The following NCBP1 variants were observed in gnomAD, a reference collection of about 807,000 sequenced individuals.
NCBP1 encodes nuclear cap binding protein subunit 1, also known as nuclear cap-binding protein subunit 1.
A neutral mutation model predicts 111.7 loss-of-function variants in NCBP1; 16 were observed. The ratio of observed to expected loss-of-function variants is 0.14; its 90% CI spans 0.10 to 0.22. The LOEUF is 0.22. Ranked by LOEUF, NCBP1 falls within the 10% of genes least tolerant of loss-of-function variation. NCBP1 has a pLI of 1.00. For missense variants in NCBP1, 607 were observed against 957.5 expected (o/e 0.63, Z 4.83); for synonymous variants, 304 against 314.3 (o/e 0.97, Z 0.35).
intron 14 of NCBP1, among the ~76,000 whole-genome samples, 166 bp downstream of exon 14, chr9:97,656,251 A>G (rs748027769): frequency 6.6e-6 from 1 of 152,234 alleles, no homozygotes; most frequent in African/African-American, 2.4e-5. Context: ...ACCATGCCAT[A>G]TAGATTCCAT....
chr9:97,658,497 C>T (rs1483802639), intron 14 of NCBP1, 143 bp from the exon 15 acceptor site: 4 of 661,884 alleles, frequency 6.0e-6, no homozygotes, highest in East Asian at 5.5e-5. Context: ...GACAAAAACT[C>T]AAAGGATTTT....
chr9:97,670,972 T>C (rs1295625827), intron 22 of NCBP1, 114 bp from the exon 23 acceptor site: 8 of 596,240 alleles, frequency 1.3e-5, no homozygotes, highest in Non-Finnish European at 1.2e-5. Flanking sequence ...CACTTTTTTT[T>C]CCCCTTCCTC....
In NCBP1 at chr9:97,661,039, T is replaced by C. The variant is rs1210269842; in HGVS notation, c.1571T>C (p.Val524Ala). The change falls in exon 16 of 23, where the codon GTA becomes GCA. Residue 524 changes from valine (V) to alanine (A), a missense_variant. Val to Ala is a moderately conservative substitution (Grantham distance 64). Transcript: ENST00000375147. ...GAAATCTTCAGCATTCTGAAAGATGTACCAAATCCTAACCAGGATGATGAC... is the reference window on the plus strand; with the variant it reads ...GAAATCTTCAGCATTCTGAAAGATGCACCAAATCCTAACCAGGATGATGAC... ...NDEIFSILKDVPNPNQDDDDD... is the reference protein window; with the variant it reads ...NDEIFSILKDAPNPNQDDDDD... 6.2e-6 allele frequency: 10 copies of C among 1,612,772 alleles called. No homozygotes were observed. The highest frequency in any genetic ancestry group is 8.5e-6 in the Non-Finnish European group (10 of 1,179,764).
intron 17 of NCBP1, 81 bp downstream of exon 17, chr9:97,662,225 G>C (rs965123780): frequency 3.9e-5 from 41 of 1,045,226 alleles, no homozygotes; most frequent in Non-Finnish European, 5.6e-5. Flanking sequence ...TTTTACCTAA[G>C]ATTGTTGAAT....
intron 1 of NCBP1, among the ~76,000 whole-genome samples, chr9:97,638,154 T>C: frequency 6.6e-6 from 1 of 152,202 alleles, no homozygotes; most frequent in East Asian, 1.9e-4. Flanking sequence ...ATGAGTTCAA[T>C]ATCATGTTTC....
Position 97,643,265 on chromosome 9 carries a change from A to G in NCBP1, c.286A>G (p.Arg96Gly). ...YTTLVGLLNARNYNFGGEFVE... is the reference protein window; with the variant it reads ...YTTLVGLLNAGNYNFGGEFVE... ...AACATTAGTTGGACTACTGAATGCC[A>G]GGAATTACAATTTTGGTGGAGAATT... The change falls in exon 4 of 23, where the codon AGG (arginine) becomes GGG (glycine). Residue 96 changes from arginine to glycine, a missense_variant. By Grantham distance (125) the Arg-to-Gly change is moderately radical. Coordinates refer to ENST00000375147, the MANE Select transcript of NCBP1 (RefSeq NM_002486.5). 1 of 1,612,218 alleles carries G rather than the reference A, an allele frequency of 6.2e-7. No individual in the cohort carries two copies. The highest frequency in any genetic ancestry group is 1.3e-5 in the African/African-American group (1 of 74,934).
At chr9:97,660,118 AC>A (rs369314713) in intron 15 of NCBP1, among the ~76,000 whole-genome samples, 40 of 152,310 alleles carry the variant, frequency 2.6e-4, no homozygotes, top group African/African-American at 9.4e-4. Flanking sequence ...TAGAATGTAG[AC>A]TGGTGACAGG....
At chr9:97,654,751 G>T in intron 11 of NCBP1, 129 bp from the exon 12 acceptor site, 1 of 826,122 alleles carries the variant, frequency 1.2e-6, no homozygotes, top group Non-Finnish European at 1.9e-6. Flanking sequence ...AAACAAGATT[G>T]ATTGTGTGAA....
Position 97,651,337 on chromosome 9 carries a change from G to C in NCBP1, c.1023G>C (p.Gly341=), listed in dbSNP as rs1310224632. 8 of 1,613,228 alleles carry C rather than the reference G, an allele frequency of 5.0e-6. No individual in the cohort carries two copies. Among genetic ancestry groups the C allele is most frequent in the Non-Finnish European group, 6.8e-6 (8 of 1,179,654 alleles). ...TCAAQLVSYP[G]KNKIPLNYHI... ...CTGCACAGTTAGTGAGCTATCCAGG[G>C]AAGAACAAGATCCCCTTGAACTACC... is the stretch of plus-strand genomic sequence containing the variant. The change falls in exon 10 of 23, where the codon GGG becomes GGC. Residue 341 remains glycine, a synonymous_variant. Coordinates refer to ENST00000375147, the MANE Select transcript of NCBP1 (RefSeq NM_002486.5).
At chr9:97,636,668 ATATAT>A (rs1428080367) in intron 1 of NCBP1, among the ~76,000 whole-genome samples, 8 of 139,876 alleles carry the variant, frequency 5.7e-5, no homozygotes, top group African/African-American at 8.3e-5. Flanking sequence ...ATATATATAT[ATATAT>A]AAAATCATTT....
intron 1 of NCBP1, among the ~76,000 whole-genome samples, 192 bp from the exon 2 acceptor site, chr9:97,640,602 A>G (rs1320305808): frequency 6.6e-6 from 1 of 152,104 alleles, no homozygotes; most frequent in African/African-American, 2.4e-5. Context: ...GAGTTATTGT[A>G]TATAGTGGCT....
At chr9:97,643,135 T>A in intron 3 of NCBP1, 69 bp from the exon 4 acceptor site, 1 of 1,426,002 alleles carries the variant, frequency 7.0e-7, no homozygotes, top group Non-Finnish European at 9.4e-7. Context: ...ATAAAAAGAT[T>A]CACATAAAAT....
chr9:97,638,453 T>C (rs1355257484), intron 1 of NCBP1, among the ~76,000 whole-genome samples: 1 of 152,126 alleles, frequency 6.6e-6, no homozygotes, highest in East Asian at 1.9e-4. Flanking sequence ...CTTTAAAGGC[T>C]GTGGTATGAT....
chr9:97,670,171 T>C, intron 22 of NCBP1: 7 of 230,200 alleles, frequency 3.0e-5, no homozygotes, highest in Non-Finnish European at 6.2e-5. Flanking sequence ...GGCCTCCGCC[T>C]CCCAAAGTGC....
intron 15 of NCBP1, among the ~76,000 whole-genome samples, chr9:97,659,301 T>C (rs1410934563): frequency 6.6e-6 from 1 of 152,214 alleles, no homozygotes; most frequent in Non-Finnish European, 1.5e-5. Flanking sequence ...TGTGGAGTTT[T>C]TCCAACTTGT....
chr9:97,661,161 T>C, intron 16 of NCBP1, 93 bp downstream of exon 16: 1 of 1,485,262 alleles, frequency 6.7e-7, no homozygotes, highest in Non-Finnish European at 9.1e-7. Context: ...CTTAAAGCAA[T>C]ATATCTATAT....
chr9:97,657,927 T>TA (rs1491489861), intron 14 of NCBP1, among the ~76,000 whole-genome samples: 2,358 of 92,688 alleles, frequency 0.025, 7 homozygotes, highest in African/African-American at 0.036. Flanking sequence ...TATATATATA[T>TA]TTTTTTTTTT....
chr9:97,656,106 C>T (rs747378819), intron 14 of NCBP1, 21 bp downstream of exon 14: 16 of 1,572,558 alleles, frequency 1.0e-5, no homozygotes, highest in Admixed American at 6.7e-5. Flanking sequence ...TGTGTTTTCT[C>T]CTTTTAACTT....
At chr9:97,649,211 A>G (rs555339858) in intron 8 of NCBP1, among the ~76,000 whole-genome samples, 1 of 152,284 alleles carries the variant, frequency 6.6e-6, no homozygotes, top group South Asian at 2.1e-4. Flanking sequence ...TTCAAAGTCA[A>G]GTTTCCTGGC....
Sources: gnomAD v4.1 joint callset for allele counts (sites outside exome capture counted in the v4.1 genomes callset) on GRCh38, gnomAD v4.1.1 for gene constraint, MANE v1.5 for transcripts, NCBI Gene and HGNC (gene_info 2026-07-23, HGNC 2026-07-21) for gene names.